Variants in PLCG2 observed in about 807,000 individuals in gnomAD.
PLCG2 encodes 1-phosphatidylinositol 4,5-bisphosphate phosphodiesterase gamma-2.
In PLCG2, 69 loss-of-function variants were observed where a neutral mutation model predicts 175.6. The ratio of observed to expected loss-of-function variants is 0.39; its 90% CI spans 0.32 to 0.48. The LOEUF (loss-of-function observed/expected upper bound fraction) is 0.48. Ranked by LOEUF, PLCG2 falls within the 20% of genes least tolerant of loss-of-function variation. The pLI is 0.91. For missense variants in PLCG2, 1,798 were observed against 1,650.9 expected, an observed-to-expected ratio of 1.09 and a Z score of -1.54; for synonymous variants, 827 against 624.0, an observed-to-expected ratio of 1.33 and a Z score of -4.85.
At chr16:81,791,647 C>T (rs544143851) in intron 2 of PLCG2, among the ~76,000 whole-genome samples, 1 of 152,188 alleles carries the variant, frequency 6.6e-6, no homozygotes, top group African/African-American at 2.4e-5. Context: ...TCACTGCAAC[C>T]TTTGCCTCCT....
chr16:81,866,951 G>A (rs1907269622), intron 5 of PLCG2, among the ~76,000 whole-genome samples: 1 of 152,234 alleles, frequency 6.6e-6, no homozygotes, highest in Non-Finnish European at 1.5e-5. Flanking sequence ...TAGCCTGCTG[G>A]CCGCTGTGCC....
intron 1 of PLCG2, among the ~76,000 whole-genome samples, chr16:81,753,342 G>GTTTTTTTTTTTTTTTTTT (rs34438350): frequency 2.2e-5 from 2 of 91,124 alleles, no homozygotes; most frequent in African/African-American, 4.2e-5. Context: ...GTCCTGGCAG[G>GTTTTTTTTTTTTTTTTTT]TTTTTTTTTT....
intron 3 of PLCG2, among the ~76,000 whole-genome samples, chr16:81,857,072 AAT>A (rs1438453517): frequency 1.4e-5 from 2 of 147,032 alleles, no homozygotes; most frequent in African/African-American, 4.9e-5. Flanking sequence ...TCTGAAAATA[AAT>A]CTATATTACT....
chr16:81,908,703 C>G (rs1225173227), intron 17 of PLCG2, 112 bp downstream of exon 17: 8 of 912,634 alleles, frequency 8.8e-6, no homozygotes, highest in East Asian at 2.8e-5. Flanking sequence ...GACCTGAATC[C>G]CAGGCTTCAT....
chr16:81,875,156 G>T (rs8058287), intron 7 of PLCG2, among the ~76,000 whole-genome samples: 72,542 of 151,068 alleles, frequency 0.48, 17,995 homozygotes, highest in Non-Finnish European at 0.54. Context: ...TTGAAACGGG[G>T]TTTCACCGTG....
chr16:81,768,193 A>G (rs1419125042), intron 2 of PLCG2, among the ~76,000 whole-genome samples: 1 of 151,982 alleles, frequency 6.6e-6, no homozygotes, highest in African/African-American at 2.4e-5. Context: ...GGTGTCTTTC[A>G]CTCAGCTTAG....
chr16:81,754,656 C>A (rs1228568796), intron 1 of PLCG2, among the ~76,000 whole-genome samples: 2 of 150,958 alleles, frequency 1.3e-5, no homozygotes, highest in Non-Finnish European at 2.9e-5. Flanking sequence ...GACTGTGGGG[C>A]CCCATGGCAG....
chr16:81,778,203 T>G (rs777611185), upstream of PLCG2, among the ~76,000 whole-genome samples: 2 of 151,876 alleles, frequency 1.3e-5, no homozygotes, highest in Non-Finnish European at 2.9e-5. Flanking sequence ...TAGTGAGACC[T>G]CATGTCGAAA....
At chr16:81,815,385 A>T (rs1347981826) in intron 2 of PLCG2, among the ~76,000 whole-genome samples, 2 of 152,162 alleles carry the variant, frequency 1.3e-5, no homozygotes, top group African/African-American at 2.4e-5. Flanking sequence ...TGATTCCCAG[A>T]GGTGAAGATA....
At chr16:81,739,082 CGCCGTCGG>C (rs1909525920), upstream of PLCG2, 1 of 151,782 alleles carries the variant, frequency 6.6e-6, no homozygotes, top group African/African-American at 2.4e-5. Context: ...AAGCTGGGGC[CGCCGTCGG>C]GCCTTCTCCC....
intron 2 of PLCG2, among the ~76,000 whole-genome samples, chr16:81,789,080 A>G (rs1027059437): frequency 6.6e-6 from 1 of 152,234 alleles, no homozygotes; most frequent in African/African-American, 2.4e-5. Flanking sequence ...ACACCTGTGT[A>G]ACAAACCTGC....
intron 2 of PLCG2, among the ~76,000 whole-genome samples, chr16:81,849,908 C>G (rs1906321838): frequency 6.6e-6 from 1 of 151,702 alleles, no homozygotes; most frequent in Non-Finnish European, 1.5e-5. Context: ...TGGCAGTCAA[C>G]TGGGTGGGTG....
chr16:81,885,634 T>TTA (rs1555516338), intron 9 of PLCG2, among the ~76,000 whole-genome samples: 25 of 152,076 alleles, frequency 1.6e-4, no homozygotes, highest in Admixed American at 7.2e-4. Context: ...CTTTTTTTTT[T>TTA]AAAATATAGC....
chr16:81,816,651 A>ACTTTTT lies in PLCG2; in HGVS notation c.193+30469_193+30470insCTTTTT, dbSNP rs1555509092. On this transcript the variant is annotated intron_variant, in intron 2 of 32. Coordinates refer to ENST00000564138, the MANE Select transcript of PLCG2 (RefSeq NM_002661.5). Reference sequence around the variant, plus strand: ...GCACCACCATGCCCAGCTAATTTTAATTTTTTTTTTTTTTTTTTTTTTTTT... The same window carrying ACTTTTT: ...GCACCACCATGCCCAGCTAATTTTAACTTTTTTTTTTTTTTTTTTTTTTTTTTTTTT... Among the ~76,000 whole-genome samples, 565 of 108,858 alleles carry ACTTTTT rather than the reference A, an allele frequency of 5.2e-3. 182 individuals carry two copies. The highest frequency in any genetic ancestry group is 0.013 in the African/African-American group (349 of 26,494). The allele number at this position is 108,858 out of a possible 152,430, so 71.4% of individuals were successfully genotyped here.
rs551676729 is a variant in PLCG2, at chr16:81,960,261, C to T, written c.*2263C>T. ...AGGCACACATGGTATGATGGCTCTT[C>T]CCAGAGTCTATGTGATGCTACATAA... On this transcript the variant is annotated 3_prime_UTR_variant, in exon 33 of 33. Coordinates refer to ENST00000564138, the MANE Select transcript of PLCG2 (RefSeq NM_002661.5). 7.7e-5 allele frequency: 17 copies of T among 220,916 alleles called. 2 individuals carry two copies. Among genetic ancestry groups the T allele is most frequent in the Admixed American group, 7.5e-4 (13 of 17,374 alleles). 13.7% of individuals were successfully genotyped at this position (220,916 alleles called of 1,614,324 possible).
intron 2 of PLCG2, among the ~76,000 whole-genome samples, chr16:81,843,544 C>T (rs1905946891): frequency 1.3e-5 from 2 of 152,290 alleles, no homozygotes; most frequent in Middle Eastern, 3.4e-3. Flanking sequence ...CTAAAATCAG[C>T]CTACCAATAT....
At chr16:81,820,685 A>G (rs563502119) in intron 2 of PLCG2, among the ~76,000 whole-genome samples, 8 of 152,082 alleles carry the variant, frequency 5.3e-5, no homozygotes, top group Admixed American at 3.3e-4. Flanking sequence ...CAGTGGCGCA[A>G]TCTTGGCCCA....
At chr16:81,847,289 C>T (rs1049805956) in intron 2 of PLCG2, among the ~76,000 whole-genome samples, 1 of 152,208 alleles carries the variant, frequency 6.6e-6, no homozygotes, top group Non-Finnish European at 1.5e-5. Flanking sequence ...CCAGAAACTT[C>T]CATGTGTTTA....
intron 5 of PLCG2, 102 bp from the exon 6 acceptor site, chr16:81,869,112 C>G (rs983005302): frequency 1.0e-5 from 8 of 791,778 alleles, no homozygotes; most frequent in African/African-American, 5.2e-5. Flanking sequence ...TGACCAGGCT[C>G]TCTCATAGAG....
Sources: allele counts gnomAD v4.1 joint callset (sites outside exome capture counted in the v4.1 genomes callset), GRCh38; gene constraint gnomAD v4.1.1; transcripts MANE v1.5; gene names NCBI Gene and HGNC (gene_info 2026-07-23, HGNC 2026-07-21).